The following RNF40 variants were observed in gnomAD, a reference collection of about 807,000 sequenced individuals.
RNF40 encodes ring finger protein 40, also known as E3 ubiquitin-protein ligase BRE1B.
In RNF40, 39 loss-of-function variants were observed where a neutral mutation model predicts 123.3. That is an observed-to-expected ratio of 0.32 (90% CI 0.24 to 0.41). The LOEUF is 0.41. Ranked by LOEUF, RNF40 falls within the 10% of genes least tolerant of loss-of-function variation. The probability of loss-of-function intolerance (pLI) is 1.00; values close to 1 mark genes in which losing one functional copy is unlikely to be tolerated. For synonymous variants in RNF40, 538 were observed against 526.0 expected (o/e 1.02, Z -0.31); for missense variants, 1,003 against 1,319.9 (o/e 0.76, Z 3.72).
intron 11 of RNF40, chr16:30,767,536 GATTCAT>G: frequency 5.2e-6 from 1 of 193,230 alleles, no homozygotes; most frequent in Non-Finnish European, 1.1e-5. Flanking sequence ...CAGGTGTGGT[GATTCAT>G]GTCTGTAATC....
At position 30,774,973 on chromosome 16, in the gene RNF40, C is replaced by G. The variant is rs764672681; in HGVS notation, c.*859C>G. On this transcript the variant is annotated 3_prime_UTR_variant, in exon 20 of 20. Coordinates refer to ENST00000324685, the MANE Select transcript of RNF40 (RefSeq NM_014771.4). ...CAGCCCCAGCCGCTGGGCCAACTTC[C>G]AATCATTCCAGCTAGAAGAGCTTCC... 1.4e-4 allele frequency: 62 copies of G among 456,404 alleles called. No homozygotes were observed. The highest frequency in any genetic ancestry group is 2.4e-4 in the African/African-American group (12 of 50,082). 28.3% of individuals were successfully genotyped at this position (456,404 alleles called of 1,614,324 possible). A position where few individuals can be genotyped will look rare whatever the true frequency, so the allele number is the denominator to read the frequency against.
chr16:30,766,042 G>T lies in RNF40; in HGVS notation c.994-121G>T. 1 of 1,382,100 alleles carries T rather than the reference G, an allele frequency of 7.2e-7. No individual in the cohort carries two copies. The highest frequency in any genetic ancestry group is 2.3e-5 in the East Asian group (1 of 43,010). The allele number at this position is 1,382,100 out of a possible 1,614,324, so 85.6% of individuals were successfully genotyped here. A position where few individuals can be genotyped will look rare whatever the true frequency, so the allele number is the denominator to read the frequency against. On this transcript the variant is annotated intron_variant, in intron 8 of 19. Coordinates refer to ENST00000324685, the MANE Select transcript of RNF40 (RefSeq NM_014771.4). This position sits in a 1 kb window ranked among gnomAD's most constrained non-coding sequence, Gnocchi z 5.4. ...CCCTTAGGAAAGTACTTGGTTTGGGGTGTCAGAATCGATCATTGCCCTGCA... is the reference window on the plus strand; with the variant it reads ...CCCTTAGGAAAGTACTTGGTTTGGGTTGTCAGAATCGATCATTGCCCTGCA...
intron 17 of RNF40, among the ~76,000 whole-genome samples, chr16:30,769,992 G>A (rs1827474495): frequency 1.3e-5 from 2 of 151,882 alleles, no homozygotes; most frequent in Non-Finnish European, 2.9e-5. Flanking sequence ...CCAGCTTCTC[G>A]AGCAGGCTGA....
chr16:30,768,884 G>A lies in RNF40; in HGVS notation c.2144G>A (p.Arg715Gln), dbSNP rs781447162. Reference sequence around the variant, plus strand: ...ATCCGGGAATTGGAGGAGAGGGATCGAAGGGAGAGCAAGAAGATCGCGGAT... The same window carrying A: ...ATCCGGGAATTGGAGGAGAGGGATCAAAGGGAGAGCAAGAAGATCGCGGAT... ...SRIRELEERDRRESKKIADED... is the reference protein window; with the variant it reads ...SRIRELEERDQRESKKIADED... The change falls in exon 15 of 20, where the codon CGA (arginine) becomes CAA (glutamine). Residue 715 changes from arginine to glutamine, a missense_variant. This residue lies in a region of RNF40 where 295 missense variants were observed against 331.7 expected (regional missense o/e 0.89). Coordinates refer to ENST00000324685, the MANE Select transcript of RNF40 (RefSeq NM_014771.4). The surrounding 1 kb of genome is among the most constrained non-coding windows in gnomAD (Gnocchi z 4.1). The A allele has an allele frequency of 1.5e-5, 24 of 1,614,202 alleles. No individual in the cohort carries two copies. Among genetic ancestry groups the A allele is most frequent in the East Asian group, 2.2e-5 (1 of 44,882 alleles).
chr16:30,767,695 A>T (rs1004339425), intron 11 of RNF40, 199 bp from the exon 12 acceptor site: 4 of 584,306 alleles, frequency 6.8e-6, no homozygotes, highest in Non-Finnish European at 1.2e-5. Context: ...AATCGTATGA[A>T]TAGGCAGTGT....
chr16:30,762,752 T>C, intron 2 of RNF40, 75 bp downstream of exon 2: 2 of 1,559,674 alleles, frequency 1.3e-6, no homozygotes, highest in Non-Finnish European at 1.7e-6. Flanking sequence ...CTGTGCGGAA[T>C]CTTACACCCA....
In RNF40 at chr16:30,766,659, TG is replaced by T; in HGVS notation, c.1294-78del. On this transcript the variant is annotated intron_variant, in intron 10 of 19. Transcript: ENST00000324685. This position sits in a 1 kb window ranked among gnomAD's most constrained non-coding sequence, Gnocchi z 5.4. ...GCCCTGTGTGCCAGCCAGGGGTCCCTGGGGAATAGATTCTTCCTAAGATACT... is the reference window on the plus strand; with the variant it reads ...GCCCTGTGTGCCAGCCAGGGGTCCCTGGGAATAGATTCTTCCTAAGATACT... 1 of 1,593,312 alleles carries T rather than the reference TG, an allele frequency of 6.3e-7. No individual in the cohort carries two copies. The highest frequency in any genetic ancestry group is 8.6e-7 in the Non-Finnish European group (1 of 1,167,764).
intron 4 of RNF40, among the ~76,000 whole-genome samples, chr16:30,763,768 C>T (rs2053956170): frequency 6.6e-6 from 1 of 152,208 alleles, no homozygotes; most frequent in South Asian, 2.1e-4. Context: ...TTTTGACACC[C>T]ATTTGTTTCA....
At chr16:30,762,390 A>C (rs576370815) in intron 1 of RNF40, 30 bp downstream of exon 1, 4 of 743,732 alleles carry the variant, frequency 5.4e-6, no homozygotes, top group Non-Finnish European at 8.0e-6. Flanking sequence ...GGGGGACGGG[A>C]TCCAGCAGGT....
In RNF40 at chr16:30,767,971, C is replaced by T; in HGVS notation, c.1507C>T (p.Arg503Ter). 6.2e-7 allele frequency: 1 copy of T among 1,614,172 alleles called. No homozygotes were observed. The highest frequency in any genetic ancestry group is 8.5e-7 in the Non-Finnish European group (1 of 1,180,028). ...HNHQLKGDAQRYKRKLREVQA... is the reference protein window; with the variant it reads ...HNHQLKGDAQ ...CCACCAGCTAAAAGGGGACGCCCAG[C>T]GATACAAGCGGAAGCTTCGAGAAGT... The change falls in exon 12 of 20, where the codon CGA becomes TGA. Residue 503 changes from arginine to a stop codon, truncating the protein, a stop_gained. Coordinates refer to ENST00000324685, the MANE Select transcript of RNF40 (RefSeq NM_014771.4). LOFTEE classifies it high-confidence loss of function.
At chr16:30,762,760 C>T in intron 2 of RNF40, 83 bp downstream of exon 2, 1 of 1,540,566 alleles carries the variant, frequency 6.5e-7, no homozygotes, top group Non-Finnish European at 8.8e-7. Flanking sequence ...AATCTTACAC[C>T]CACTTCCCCA....
At position 30,768,857 on chromosome 16, in the gene RNF40, G is replaced by A. The variant is rs368428563; in HGVS notation, c.2117G>A (p.Arg706His). The A allele has an allele frequency of 1.7e-4, 267 of 1,614,240 alleles. No homozygotes were observed. In the East Asian group the frequency reaches 5.7e-3, roughly 34 times the overall value. Residue 706 changes from arginine (R) to histidine (H), a missense_variant, in exon 15 of 20, where the codon CGC becomes CAC. Transcript: ENST00000324685. The surrounding 1 kb of genome is among the most constrained non-coding windows in gnomAD (Gnocchi z 4.1). ...CTATAGGTTGATGAGCTGCGGAGCCGCATCCGGGAATTGGAGGAGAGGGAT... is the reference window on the plus strand; with the variant it reads ...CTATAGGTTGATGAGCTGCGGAGCCACATCCGGGAATTGGAGGAGAGGGAT... ...AKAEVDELRSRIRELEERDRR... is the reference protein window; with the variant it reads ...AKAEVDELRSHIRELEERDRR...
At chr16:30,762,186 T>C, upstream of RNF40, 1 of 312,506 alleles carries the variant, frequency 3.2e-6, no homozygotes, top group Non-Finnish European at 5.9e-6. Context: ...AGGACCCGAG[T>C]GGCGGGACCA....
intron 19 of RNF40, 42 bp from the exon 20 acceptor site, chr16:30,773,896 C>T (rs748063708): frequency 6.3e-7 from 1 of 1,581,370 alleles, no homozygotes; most frequent in Non-Finnish European, 8.6e-7. Flanking sequence ...GGTCTGGGCA[C>T]TGTCAGAGTT....
At position 30,762,695 on chromosome 16, in the gene RNF40, T is replaced by C. The variant is rs376569342; in HGVS notation, c.132+18T>C. The C allele has an allele frequency of 1.9e-6, 3 of 1,610,446 alleles. No homozygotes were observed. Among genetic ancestry groups the C allele is most frequent in the Non-Finnish European group, 2.5e-6 (3 of 1,179,134 alleles). On this transcript the variant is annotated intron_variant, in intron 2 of 19. Transcript: ENST00000324685. ...CTTCCACGGTTCGTGGGCTCTTGCC[T>C]TAACCCTCAGAACTTCCCAGAGCCC...
upstream of RNF40, chr16:30,762,182 C>A: frequency 3.2e-6 from 1 of 316,692 alleles, no homozygotes; most frequent in Admixed American, 5.0e-5. Context: ...CCAGAGGACC[C>A]GAGTGGCGGG....
chr16:30,764,978 C>G lies in RNF40; in HGVS notation c.690C>G (p.Thr230=). ...TCAGTGAGGCGGCTCAGGCACACAC[C>G]CGAGAGCTGGGCCGTGAGAACCGGC... ...EPLSEAAQAH[T]RELGRENRRL... Residue 230 remains threonine (T), a synonymous_variant, in exon 6 of 20, where the codon ACC becomes ACG. Coordinates refer to ENST00000324685, the MANE Select transcript of RNF40 (RefSeq NM_014771.4). 1 of 1,613,172 alleles carries G rather than the reference C, an allele frequency of 6.2e-7. No homozygotes were observed. Among genetic ancestry groups the G allele is most frequent in the Non-Finnish European group, 8.5e-7 (1 of 1,180,028 alleles).
At chr16:30,761,709 C>T (rs1481772938), upstream of RNF40, 2 of 1,531,940 alleles carry the variant, frequency 1.3e-6, no homozygotes, top group East Asian at 2.5e-5. Flanking sequence ...TCCGACTGCA[C>T]CCTCATTCCC....
At position 30,768,333 on chromosome 16, in the gene RNF40, T is replaced by C. The variant is rs1338974297; in HGVS notation, c.1782T>C (p.Pro594=). Residue 594 remains proline (P), a synonymous_variant, in exon 13 of 20, where the codon CCT becomes CCC. Coordinates refer to ENST00000324685, the MANE Select transcript of RNF40 (RefSeq NM_014771.4). This position sits in a 1 kb window ranked among gnomAD's most constrained non-coding sequence, Gnocchi z 4.1. ...PSEEDFQGIT[P]GAQGPSSRGR... ...AAGAGGACTTCCAGGGTATAACCCC[T>C]GGGGCCCAGGGCCCTTCCTCCCGGG... The C allele has an allele frequency of 1.2e-6, 2 of 1,613,346 alleles. No homozygotes were observed. Among genetic ancestry groups the C allele is most frequent in the Admixed American group, 3.3e-5 (2 of 59,888 alleles).
Sources: allele counts gnomAD v4.1 joint callset (sites outside exome capture counted in the v4.1 genomes callset), GRCh38; gene constraint gnomAD v4.1.1; regional missense constraint gnomAD v4.1.1; non-coding constraint Gnocchi (gnomAD v3.1); transcripts MANE v1.5; gene names NCBI Gene and HGNC (gene_info 2026-07-23, HGNC 2026-07-21).